DCLK2: variants seen among roughly 807,000 people sequenced by gnomAD.
The protein encoded by DCLK2 is doublecortin like kinase 2, also known as serine/threonine-protein kinase DCLK2.
Under a neutral mutation model 78.4 loss-of-function variants are expected in DCLK2, and 31 were observed. The observed-to-expected ratio is 0.40, with a 90% CI of 0.30 to 0.53. The LOEUF (loss-of-function observed/expected upper bound fraction) is 0.53. Among genes scored for constraint, DCLK2 ranks in the 20% least tolerant of loss-of-function variants. The pLI is 0.61. For missense variants in DCLK2, 872 were observed against 973.7 expected (o/e 0.90, Z 1.39); for synonymous variants, 407 against 374.9 (o/e 1.09, Z -0.99).
intron 6 of DCLK2, 39 bp downstream of exon 6, chr4:150,220,817 C>T (rs1456752585): frequency 4.0e-6 from 6 of 1,500,846 alleles, no homozygotes; most frequent in Admixed American, 3.4e-5. Flanking sequence ...TAAAGGAAAT[C>T]ATGCATGGGG....
chr4:150,129,550 T>G (rs1733151993), intron 2 of DCLK2, among the ~76,000 whole-genome samples: 1 of 151,856 alleles, frequency 6.6e-6, no homozygotes, highest in South Asian at 2.1e-4. Flanking sequence ...TAAAACTCTG[T>G]CTCTACTAAA....
At chr4:150,231,734 T>C (rs1244628762) in intron 8 of DCLK2, among the ~76,000 whole-genome samples, 1 of 152,254 alleles carries the variant, frequency 6.6e-6, no homozygotes, top group African/African-American at 2.4e-5. Context: ...CGTGGTTCTG[T>C]ATGTTTTCAG....
intron 2 of DCLK2, among the ~76,000 whole-genome samples, chr4:150,186,911 TGTGTG>T (rs1254977142): frequency 6.6e-6 from 1 of 151,806 alleles, no homozygotes; most frequent in African/African-American, 2.4e-5. Context: ...TGTGTGTGTG[TGTGTG>T]TGTGTGTGTG....
intron 2 of DCLK2, among the ~76,000 whole-genome samples, chr4:150,140,941 C>G (rs377359945): frequency 6.6e-6 from 1 of 152,302 alleles, no homozygotes; most frequent in East Asian, 1.9e-4. Flanking sequence ...ACAAAACAGT[C>G]TACCTAGCCA....
At chr4:150,242,099 C>G (rs1178797439) in intron 12 of DCLK2, among the ~76,000 whole-genome samples, 2 of 152,186 alleles carry the variant, frequency 1.3e-5, no homozygotes, top group African/African-American at 4.8e-5. Flanking sequence ...TTTTAAAATT[C>G]TCGGTTTTCC....
chr4:150,248,343 T>G lies in DCLK2; in HGVS notation c.1914T>G (p.Ala638=), dbSNP rs1464862150. Residue 638 remains alanine, a synonymous_variant, in exon 14 of 16, where the codon GCT becomes GCG. Coordinates refer to ENST00000296550, the MANE Select transcript of DCLK2 (RefSeq NM_001040260.4). ...AAATGCTTCAGGTAAATGTTGAAGC[T>G]CGGTGTACCGCGGGACAAATCCTGA... The part of the protein sequence containing the change: ...ISQMLQVNVE[A]RCTAGQILSH... 6.2e-7 allele frequency: 1 copy of G among 1,614,002 alleles called. No homozygotes were observed. The highest frequency in any genetic ancestry group is 8.5e-7 in the Non-Finnish European group (1 of 1,180,006).
chr4:150,177,446 A>G (rs1440515306), intron 2 of DCLK2, among the ~76,000 whole-genome samples: 2 of 152,198 alleles, frequency 1.3e-5, no homozygotes, highest in African/African-American at 4.8e-5. Flanking sequence ...CGAGGAATGA[A>G]TTGATTCAAA....
At chr4:150,188,304 C>G (rs1411603822) in intron 2 of DCLK2, among the ~76,000 whole-genome samples, 1 of 151,790 alleles carries the variant, frequency 6.6e-6, no homozygotes, top group Non-Finnish European at 1.5e-5. Context: ...TGAAACCTGG[C>G]CTCTAACAAA....
intron 8 of DCLK2, among the ~76,000 whole-genome samples, chr4:150,227,575 A>G (rs1337127188): frequency 6.6e-6 from 1 of 152,206 alleles, no homozygotes; most frequent in Admixed American, 6.5e-5. Context: ...GAGGACAGAA[A>G]GCACGTTGGG....
intron 2 of DCLK2, among the ~76,000 whole-genome samples, chr4:150,140,419 A>G (rs998952651): frequency 6.6e-6 from 1 of 152,212 alleles, no homozygotes; most frequent in Non-Finnish European, 1.5e-5. Context: ...CTAGGGGAGC[A>G]GTGACAATAC....
intron 2 of DCLK2, among the ~76,000 whole-genome samples, chr4:150,133,914 T>C (rs983479008): frequency 6.6e-6 from 1 of 152,104 alleles, no homozygotes; most frequent in Non-Finnish European, 1.5e-5. Context: ...TCAAGGAAAC[T>C]CATGTAGCCC....
At chr4:150,143,572 T>C (rs910526733) in intron 2 of DCLK2, among the ~76,000 whole-genome samples, 2 of 152,194 alleles carry the variant, frequency 1.3e-5, no homozygotes, top group Admixed American at 1.3e-4. Context: ...CATCTGATAG[T>C]GAGATTGCTG....
At chr4:150,199,215 C>A in intron 4 of DCLK2, 2 of 772,490 alleles carry the variant, frequency 2.6e-6, no homozygotes, top group Non-Finnish European at 4.3e-6. Flanking sequence ...GTATGAAATG[C>A]TTTGCATTGC....
chr4:150,256,253 C>T lies in DCLK2; in HGVS notation c.*6C>T. 6.7e-7 allele frequency: 1 copy of T among 1,503,666 alleles called. No homozygotes were observed. Among genetic ancestry groups the T allele is most frequent in the Admixed American group, 2.3e-5 (1 of 43,310 alleles). 93.1% of individuals were successfully genotyped at this position (1,503,666 alleles called of 1,614,324 possible). ...GGCGCCGCCACCGAGACTGAGCCTC[C>T]TGCAGACGGGCGAAGCCGCCTGCTG... is the stretch of plus-strand genomic sequence containing the variant. On this transcript the variant is annotated 3_prime_UTR_variant, in exon 16 of 16. Transcript: ENST00000296550.
chr4:150,148,546 C>G (rs994193863), intron 2 of DCLK2, among the ~76,000 whole-genome samples: 1 of 152,122 alleles, frequency 6.6e-6, no homozygotes, highest in Non-Finnish European at 1.5e-5. Flanking sequence ...AGTACAGATG[C>G]ATATCACTGT....
intron 2 of DCLK2, among the ~76,000 whole-genome samples, chr4:150,186,218 T>C (rs991019661): frequency 1.3e-5 from 2 of 152,186 alleles, no homozygotes; most frequent in South Asian, 4.1e-4. Flanking sequence ...GAGATGTTAT[T>C]CATACTGATT....
intron 2 of DCLK2, among the ~76,000 whole-genome samples, chr4:150,183,856 C>T (rs1275958529): frequency 2.6e-5 from 4 of 152,086 alleles, no homozygotes; most frequent in African/African-American, 7.2e-5. Flanking sequence ...TCTCAGCCCC[C>T]CAAGTAGCTG....
rs150945934 is a variant in DCLK2 at position 150,095,538 on chromosome 4, G to A, written c.422-6940G>A. ...TACCCTTTCTCTTGTTGGACATGTGGGCCGACTCTGATCTTTGGCTGTTGA... is the reference window on the plus strand; with the variant it reads ...TACCCTTTCTCTTGTTGGACATGTGAGCCGACTCTGATCTTTGGCTGTTGA... On this transcript the variant is annotated intron_variant, in intron 1 of 15. Transcript: ENST00000296550. 4.6e-5 allele frequency among the ~76,000 whole-genome samples: 7 copies of A among 152,168 alleles called. No individual in the cohort carries two copies. The East Asian group carries it at 1.4e-3, about 29-fold the overall frequency.
intron 15 of DCLK2, chr4:150,254,435 C>T: frequency 2.5e-6 from 1 of 398,894 alleles, no homozygotes; most frequent in Non-Finnish European, 4.4e-6. Context: ...GGTCCAAGGC[C>T]ATGGTATGTA....
Sources: gnomAD v4.1 joint callset for allele counts (sites outside exome capture counted in the v4.1 genomes callset) on GRCh38, gnomAD v4.1.1 for gene constraint, MANE v1.5 for transcripts, NCBI Gene and HGNC (gene_info 2026-07-23, HGNC 2026-07-21) for gene names.